Variants in ZNF69 observed in about 807,000 individuals in gnomAD.
The protein encoded by ZNF69 is ZNF3.
A neutral mutation model predicts 50.9 loss-of-function variants in ZNF69; 47 were observed. That is an observed-to-expected ratio of 0.92 (90% CI 0.73 to 1.18). The LOEUF (loss-of-function observed/expected upper bound fraction) is 1.18, where lower values mean the gene tolerates loss of function less well. Among genes scored for constraint, ZNF69 ranks in the 50% most tolerant of loss-of-function variants. The pLI is 0.00. For missense variants in ZNF69, 717 were observed against 675.1 expected (o/e 1.06, Z -0.69); for synonymous variants, 216 against 223.1 (o/e 0.97, Z 0.29).
At chr19:11,937,660 T>C in the ZNF69 span, among the ~76,000 whole-genome samples, 1 of 151,864 alleles carries the variant, frequency 6.6e-6, no homozygotes, top group Non-Finnish European at 1.5e-5. Flanking sequence ...GGCTAATTTT[T>C]TGTATTTTTA....
the ZNF69 span, chr19:11,977,403 G>A: frequency 2.5e-6 from 4 of 1,614,016 alleles, no homozygotes; most frequent in Non-Finnish European, 3.4e-6. Flanking sequence ...CATTGAATAT[G>A]AGTACCAAAA....
downstream of ZNF69, among the ~76,000 whole-genome samples, chr19:11,911,661 A>T (rs554734917): frequency 2.0e-5 from 3 of 152,124 alleles, no homozygotes; most frequent in Admixed American, 1.3e-4. Flanking sequence ...ATCACACACC[A>T]GGGCCTGTCA....
At chr19:11,888,648 G>A (rs1398937477) in intron 1 of ZNF69, among the ~76,000 whole-genome samples, 5 of 152,128 alleles carry the variant, frequency 3.3e-5, no homozygotes, top group African/African-American at 9.7e-5. Flanking sequence ...ATTAGTGCCT[G>A]GAAGGTGTAA....
chr19:11,888,909 T>G (rs1045431159), intron 1 of ZNF69, among the ~76,000 whole-genome samples: 2 of 152,048 alleles, frequency 1.3e-5, no homozygotes, highest in African/African-American at 4.8e-5. Flanking sequence ...GGAGACAGGT[T>G]GCAGTGAGCC....
the ZNF69 span, among the ~76,000 whole-genome samples, chr19:11,938,542 T>A: frequency 6.6e-6 from 1 of 152,210 alleles, no homozygotes; most frequent in Non-Finnish European, 1.5e-5. Context: ...GCTTCATCCA[T>A]GTCCCTACAA....
chr19:11,889,037 G>T (rs956877130), intron 1 of ZNF69, among the ~76,000 whole-genome samples: 1 of 152,118 alleles, frequency 6.6e-6, no homozygotes, highest in African/African-American at 2.4e-5. Flanking sequence ...AGGCACAGGT[G>T]GTTGAGGGAT....
the ZNF69 span, among the ~76,000 whole-genome samples, chr19:11,947,907 C>T: frequency 3.1e-3 from 477 of 152,090 alleles, 2 homozygotes; most frequent in African/African-American, 0.011. Flanking sequence ...ACTCAGGAGG[C>T]GAAGGCAGGA....
At chr19:11,936,956 A>G in the ZNF69 span, among the ~76,000 whole-genome samples, 1 of 152,140 alleles carries the variant, frequency 6.6e-6, no homozygotes, top group Admixed American at 6.5e-5. Context: ...TCGTTTCCCC[A>G]TTTGTTGTTT....
the ZNF69 span, among the ~76,000 whole-genome samples, chr19:11,974,056 C>CCTTCTTTCTTTCT: frequency 6.7e-6 from 1 of 148,580 alleles, no homozygotes; most frequent in Admixed American, 6.6e-5. Context: ...TTCTTTCTTT[C>CCTTCTTTCTTTCT]TTTCCTTCTT....
At chr19:11,900,607 C>T (rs1972223506) in intron 1 of ZNF69, among the ~76,000 whole-genome samples, 1 of 152,082 alleles carries the variant, frequency 6.6e-6, no homozygotes, top group South Asian at 2.1e-4. Context: ...CCGTCTCTGC[C>T]TCCCAAAGTG....
At chr19:11,907,383 A>G (rs953244292), downstream of ZNF69, among the ~76,000 whole-genome samples, 1 of 152,248 alleles carries the variant, frequency 6.6e-6, no homozygotes, top group African/African-American at 2.4e-5. Flanking sequence ...CAGATTCACC[A>G]AAGTTGAAAT....
At position 11,905,374 on chromosome 19, in the gene ZNF69, A is replaced by C. The variant is rs776447703; in HGVS notation, c.977A>C (p.His326Pro). ...PQYVRIHERTHSRKKPYECTQ... is the reference protein window; with the variant it reads ...PQYVRIHERTPSRKKPYECTQ... ...TATGTTCGTATACATGAAAGGACCCACTCTAGGAAAAAACCCTATGAATGT... is the reference window on the plus strand; with the variant it reads ...TATGTTCGTATACATGAAAGGACCCCCTCTAGGAAAAAACCCTATGAATGT... The change falls in exon 4 of 4, where the codon CAC (histidine) becomes CCC (proline). Residue 326 changes from histidine to proline, a missense_variant. Physicochemically the swap from His to Pro is moderately conservative, Grantham distance 77 (BLOSUM62 -2). Transcript: ENST00000429654. 1.2e-6 allele frequency: 2 copies of C among 1,614,076 alleles called. No homozygotes were observed. The highest frequency in any genetic ancestry group is 3.3e-5 in the Admixed American group (2 of 60,008).
At chr19:11,961,948 CACACACACACAT>C in the ZNF69 span, among the ~76,000 whole-genome samples, 2 of 151,420 alleles carry the variant, frequency 1.3e-5, no homozygotes, top group African/African-American at 4.9e-5. Flanking sequence ...CACACACACA[CACACACACACAT>C]ATATATTGTT....
At chr19:11,954,217 C>T in the ZNF69 span, among the ~76,000 whole-genome samples, 3 of 152,066 alleles carry the variant, frequency 2.0e-5, no homozygotes, top group African/African-American at 7.2e-5. Context: ...GCAGATGTGG[C>T]ATGGCCAAAA....
At chr19:11,965,260 A>G in the ZNF69 span, 9 of 1,611,992 alleles carry the variant, frequency 5.6e-6, no homozygotes, top group East Asian at 2.0e-4. Context: ...GGCTGCCTGG[A>G]ACCGGCCGGA....
chr19:11,925,403 G>T, the ZNF69 span: 2 of 1,426,076 alleles, frequency 1.4e-6, no homozygotes, highest in South Asian at 1.3e-5. Context: ...TCCTTGAGCA[G>T]TTCGGCCCTC....
chr19:11,949,656 C>T, the ZNF69 span: 2 of 1,613,312 alleles, frequency 1.2e-6, no homozygotes, highest in Non-Finnish European at 1.7e-6. Context: ...GTGGTAAAGC[C>T]TTCAGATGTT....
chr19:11,893,162 G>A (rs1977137318), intron 1 of ZNF69, among the ~76,000 whole-genome samples: 1 of 152,168 alleles, frequency 6.6e-6, no homozygotes. Flanking sequence ...TTCTAGTTAT[G>A]TAATCAGAGG....
At chr19:11,894,100 C>T (rs1285278158) in intron 1 of ZNF69, among the ~76,000 whole-genome samples, 2 of 152,176 alleles carry the variant, frequency 1.3e-5, no homozygotes, top group Non-Finnish European at 2.9e-5. Flanking sequence ...GTGAAATGTT[C>T]AGAGAATCAC....
Sources: gnomAD v4.1 joint callset for allele counts (sites outside exome capture counted in the v4.1 genomes callset) on GRCh38, gnomAD v4.1.1 for gene constraint, MANE v1.5 for transcripts, NCBI Gene and HGNC (gene_info 2026-07-23, HGNC 2026-07-21) for gene names.